Variants in MBTD1 observed in about 807,000 individuals in gnomAD.
The protein encoded by MBTD1 is MBT domain-containing protein 1.
A neutral mutation model predicts 87.8 loss-of-function variants in MBTD1; 24 were observed. The observed-to-expected ratio is 0.27, with a 90% CI of 0.20 to 0.38. The LOEUF (loss-of-function observed/expected upper bound fraction) is 0.38, where lower values mean the gene tolerates loss of function less well. MBTD1 is among the 10% of genes least tolerant of loss of function. The probability of loss-of-function intolerance (pLI) is 1.00; values close to 1 mark genes in which losing one functional copy is unlikely to be tolerated. For synonymous variants in MBTD1, 237 were observed against 248.6 expected (o/e 0.95, Z 0.44); for missense variants, 436 against 760.2 (o/e 0.57, Z 5.02).
In MBTD1 at chr17:51,213,809, A is replaced by G. The variant is rs530013764; in HGVS notation, c.486+3525T>C. ...CAGGAGCCAAGGCTCTGGCAGCAAC[A>G]CCCCATCTCTGCCAGAACAATCAAC... On this transcript the variant is annotated intron_variant, in intron 6 of 16. Transcript: ENST00000586178. Among the ~76,000 whole-genome samples, 229 of 152,058 alleles carry G rather than the reference A, an allele frequency of 1.5e-3. 2 individuals carry two copies. Among genetic ancestry groups the G allele is most frequent in the Non-Finnish European group, 7.4e-4 (50 of 67,978 alleles).
At chr17:51,208,531 G>A (rs1202653655) in intron 6 of MBTD1, among the ~76,000 whole-genome samples, 1 of 152,148 alleles carries the variant, frequency 6.6e-6, no homozygotes, top group Non-Finnish European at 1.5e-5. Context: ...AGGTAACATA[G>A]AATAAACTAA....
Position 51,225,229 on chromosome 17 carries a change from A to G in MBTD1, c.-48-20T>C. 6.3e-6 allele frequency: 9 copies of G among 1,419,204 alleles called. No individual in the cohort carries two copies. Among genetic ancestry groups the G allele is most frequent in the Non-Finnish European group, 8.4e-6 (9 of 1,066,326 alleles). 87.9% of individuals were successfully genotyped at this position (1,419,204 alleles called of 1,614,324 possible). On this transcript the variant is annotated intron_variant, in intron 2 of 16. Coordinates refer to ENST00000586178, the MANE Select transcript of MBTD1 (RefSeq NM_017643.3). ...TTCAGTCTTTGAAGTAAGAGAAACC[A>G]GTGACACATGACACAACACTCATAC...
chr17:51,188,151 GC>G (rs753054157), intron 16 of MBTD1, among the ~76,000 whole-genome samples: 6 of 152,170 alleles, frequency 3.9e-5, no homozygotes, highest in Non-Finnish European at 7.4e-5. Context: ...AACGCAAGGA[GC>G]AATGTCCACT....
intron 2 of MBTD1, among the ~76,000 whole-genome samples, chr17:51,248,484 T>A (rs907704367): frequency 6.6e-6 from 1 of 152,360 alleles, no homozygotes; most frequent in Middle Eastern, 3.4e-3. Context: ...TGAACACTTA[T>A]CAAAATATAG....
chr17:51,230,969 G>C (rs533000160), intron 2 of MBTD1, among the ~76,000 whole-genome samples: 110 of 152,220 alleles, frequency 7.2e-4, no homozygotes, highest in Non-Finnish European at 1.4e-3. Flanking sequence ...AGACAGTCTT[G>C]CTCTGTTGCC....
intron 13 of MBTD1, 126 bp downstream of exon 13, chr17:51,195,088 A>AT: frequency 1.4e-6 from 1 of 691,038 alleles, no homozygotes; most frequent in Admixed American, 3.3e-5. Context: ...TCCTGTATGT[A>AT]TATGTTTATC....
intron 6 of MBTD1, among the ~76,000 whole-genome samples, chr17:51,207,630 A>C (rs1031267672): frequency 2.6e-5 from 4 of 152,188 alleles, no homozygotes; most frequent in African/African-American, 9.7e-5. Context: ...AAATTACTAT[A>C]AAGAGAAAAC....
chr17:51,205,710 G>A (rs879490941), intron 7 of MBTD1, among the ~76,000 whole-genome samples: 2 of 152,088 alleles, frequency 1.3e-5, no homozygotes, highest in Non-Finnish European at 2.9e-5. Context: ...AATACATCTG[G>A]CATGTGGTAT....
upstream of MBTD1, chr17:51,260,945 C>G (rs1467838972): frequency 6.6e-7 from 1 of 1,519,280 alleles, no homozygotes; most frequent in South Asian, 1.2e-5. Context: ...GGCCGCGGCG[C>G]GCGGGCTGGG....
chr17:51,223,272 C>T (rs571837485), intron 3 of MBTD1, among the ~76,000 whole-genome samples: 1 of 152,144 alleles, frequency 6.6e-6, no homozygotes, highest in Admixed American at 6.5e-5. Flanking sequence ...GTGGCTCACA[C>T]CTGTAATCCC....
rs563867497 is a variant in MBTD1, at chr17:51,225,626, G to A, written c.-48-417C>T. ...CCCACTCAAGCCTCCCAGAGTGCTC[G>A]GATTATGGATGTGAGCCACCTCCCT... On this transcript the variant is annotated intron_variant, in intron 2 of 16. Coordinates refer to ENST00000586178, the MANE Select transcript of MBTD1 (RefSeq NM_017643.3). Among the ~76,000 whole-genome samples the A allele has an allele frequency of 4.0e-5, 6 of 151,740 alleles. No homozygotes were observed. The East Asian group carries it at 7.8e-4, about 20-fold the overall frequency.
intron 12 of MBTD1, among the ~76,000 whole-genome samples, chr17:51,196,288 A>G (rs1425187523): frequency 6.6e-6 from 1 of 150,644 alleles, no homozygotes; most frequent in African/African-American, 2.4e-5. Flanking sequence ...CAATGGGTCA[A>G]TCTCGGCTCA....
chr17:51,246,659 A>G (rs949578295), intron 2 of MBTD1, among the ~76,000 whole-genome samples: 6 of 152,102 alleles, frequency 3.9e-5, no homozygotes, highest in African/African-American at 1.4e-4. Flanking sequence ...TTTTTGAGAC[A>G]GGGTCTCACT....
At chr17:51,202,136 T>C in intron 10 of MBTD1, 59 bp from the exon 11 acceptor site, 1 of 993,504 alleles carries the variant, frequency 1.0e-6, no homozygotes, top group Non-Finnish European at 1.6e-6. Flanking sequence ...AAAAACCACG[T>C]TCTTTGAAGG....
intron 6 of MBTD1, 34 bp from the exon 7 acceptor site, chr17:51,207,039 T>C (rs1218194949): frequency 4.9e-6 from 6 of 1,214,942 alleles, no homozygotes; most frequent in Non-Finnish European, 6.1e-6. Context: ...TATTGTCTTA[T>C]TAACATAAAG....
rs1375509071 is a variant in MBTD1, at chr17:51,203,898, C to G, written c.632G>C (p.Gly211Ala). 6.2e-7 allele frequency: 1 copy of G among 1,610,644 alleles called. No homozygotes were observed. Among genetic ancestry groups the G allele is most frequent in the East Asian group, 2.2e-5 (1 of 44,846 alleles). The change falls in exon 8 of 17, where the codon GGA (glycine) becomes GCA (alanine). Residue 211 changes from glycine to alanine, a missense_variant. Around this residue, in one of 5 missense-constraint regions of MBTD1, gnomAD observed 268 missense variants for 401.8 expected, o/e 0.67. Coordinates refer to ENST00000586178, the MANE Select transcript of MBTD1 (RefSeq NM_017643.3). ...AGYNALLRYE[G>A]FENDSGLDFW... ...GTCCAGACCAGAGTCATTTTCAAAT[C>G]CTTCATATCTTAAAAGGGCATTGTA...
chr17:51,217,878 T>TG (rs2052661130), intron 5 of MBTD1, among the ~76,000 whole-genome samples: 3 of 152,150 alleles, frequency 2.0e-5, no homozygotes, highest in African/African-American at 7.2e-5. Flanking sequence ...ATTACAGGTG[T>TG]GAGCCACCAC....
chr17:51,201,140 C>CA (rs1375433277), intron 12 of MBTD1, among the ~76,000 whole-genome samples: 1 of 151,832 alleles, frequency 6.6e-6, no homozygotes, highest in Admixed American at 6.6e-5. Context: ...AAAAAATGAA[C>CA]AAACAAACAA....
chr17:51,219,183 G>A, intron 4 of MBTD1, 139 bp from the exon 5 acceptor site: 1 of 566,184 alleles, frequency 1.8e-6, no homozygotes, highest in African/African-American at 1.9e-5. Flanking sequence ...AAACATACAA[G>A]AATTTTAACA....
Sources: gnomAD v4.1 joint callset for allele counts (sites outside exome capture counted in the v4.1 genomes callset) on GRCh38, gnomAD v4.1.1 for gene constraint, gnomAD v4.1.1 regional missense constraint, MANE v1.5 for transcripts, NCBI Gene and HGNC (gene_info 2026-07-23, HGNC 2026-07-21) for gene names.